The following RPA3 variants were observed in gnomAD, a reference collection of about 807,000 sequenced individuals.
The protein encoded by RPA3 is replication protein A 14 kDa subunit.
In RPA3, 24 loss-of-function variants were observed where a neutral mutation model predicts 13.7. That is an observed-to-expected ratio of 1.75 (90% CI 1.27 to 2.46). The LOEUF is 2.46. Among genes scored for constraint, RPA3 ranks in the 30% most tolerant of loss-of-function variants. The probability of loss-of-function intolerance (pLI) is 0.00; values close to 1 mark genes in which losing one functional copy is unlikely to be tolerated. For synonymous variants in RPA3, 59 were observed against 51.2 expected, an observed-to-expected ratio of 1.15 and a Z score of -0.65; for missense variants, 183 against 151.0, an observed-to-expected ratio of 1.21 and a Z score of -1.11.
intron 4 of RPA3, among the ~76,000 whole-genome samples, chr7:7,649,540 T>C (rs1785175376): frequency 6.6e-6 from 1 of 152,234 alleles, no homozygotes; most frequent in African/African-American, 2.4e-5. Context: ...AATTTCCACG[T>C]CAGTTTTTTG....
intron 4 of RPA3, chr7:7,641,816 C>G (rs1291404730): frequency 6.6e-6 from 1 of 152,084 alleles, no homozygotes; most frequent in Non-Finnish European, 1.5e-5. Context: ...TTCCCTTAAG[C>G]AAAAAAGATC....
chr7:7,667,515 C>A lies in RPA3; in HGVS notation c.-758+18315G>T, dbSNP rs560650718. On this transcript the variant is annotated intron_variant, in intron 4 of 7. Transcript: ENST00000223129. The stretch of plus-strand genomic sequence containing the variant: ...TCAGAAATATGATGGGCAGAGGTTG[C>A]AGTTTTTTTTCCCTAAATGTAAGTT... Among the ~76,000 whole-genome samples the A allele has an allele frequency of 3.7e-4, 56 of 152,244 alleles. 1 individual carries two copies. The highest frequency in any genetic ancestry group is 2.3e-3 in the Admixed American group (35 of 15,288).
intron 2 of RPA3, among the ~76,000 whole-genome samples, chr7:7,696,840 C>CT (rs113254851): frequency 0.024 from 3,590 of 146,830 alleles, 143 homozygotes; most frequent in African/African-American, 0.084. Context: ...CTTTCTTCTT[C>CT]TTTTTTTTTT....
chr7:7,639,333 AT>A (rs11362083), intron 5 of RPA3, among the ~76,000 whole-genome samples, 189 bp from the exon 6 acceptor site: 151,849 of 152,322 alleles, frequency 1, 75,690 homozygotes, highest in East Asian at 1. Flanking sequence ...CACACAGTTA[AT>A]TTCTGAATTT....
chr7:7,655,923 C>T (rs1785330379), intron 4 of RPA3, among the ~76,000 whole-genome samples: 1 of 152,144 alleles, frequency 6.6e-6, no homozygotes, highest in African/African-American at 2.4e-5. Flanking sequence ...GCAACCTCCA[C>T]CTCCTGGGTT....
chr7:7,683,745 C>G lies in RPA3; in HGVS notation c.-758+2085G>C, dbSNP rs1779970404. Among the ~76,000 whole-genome samples the G allele has an allele frequency of 2.0e-5, 3 of 152,086 alleles. No individual in the cohort carries two copies. The South Asian group carries it at 6.2e-4, about 32-fold the overall frequency. On this transcript the variant is annotated intron_variant, in intron 4 of 7. Transcript: ENST00000223129. ...TCAAGTGATTCTCCTGCCTCAGCCT[C>G]CCAAGTAGCTGGGATTACAGGCATG...
intron 4 of RPA3, among the ~76,000 whole-genome samples, chr7:7,680,642 T>A (rs1779885955): frequency 6.6e-6 from 1 of 152,144 alleles, no homozygotes; most frequent in African/African-American, 2.4e-5. Context: ...TATGGACATT[T>A]TAACAATACT....
intron 2 of RPA3, among the ~76,000 whole-genome samples, chr7:7,702,859 T>C (rs1780494670): frequency 6.6e-6 from 1 of 152,188 alleles, no homozygotes; most frequent in African/African-American, 2.4e-5. Flanking sequence ...ACCAGTTTGT[T>C]TGCTGATGAA....
chr7:7,640,414 A>G lies in RPA3; in HGVS notation c.5T>C (p.Val2Ala). The change falls in exon 5 of 8, where the codon GTG becomes GCG. Residue 2 changes from valine to alanine, a missense_variant. Val to Ala is a moderately conservative substitution (Grantham distance 64). Coordinates refer to ENST00000223129, the MANE Select transcript of RPA3 (RefSeq NM_002947.5). Reference protein sequence around the residue: MVDMMDLPRSRI... With the variant: MADMMDLPRSRI... ...CGACCTGGGCAAGTCCATCATGTCC[A>G]CCATGATTATGGTCCAAGACTGCGG... 1.2e-6 allele frequency: 2 copies of G among 1,613,792 alleles called. No individual in the cohort carries two copies. The highest frequency in any genetic ancestry group is 1.7e-6 in the Non-Finnish European group (2 of 1,179,858).
At chr7:7,638,121 G>C in intron 6 of RPA3, 149 bp from the exon 7 acceptor site, 1 of 522,670 alleles carries the variant, frequency 1.9e-6, no homozygotes, top group Non-Finnish European at 3.4e-6. Context: ...AATGTAACTT[G>C]TTAACAAATG....
intron 4 of RPA3, among the ~76,000 whole-genome samples, chr7:7,680,135 A>G (rs983302520): frequency 3.3e-5 from 5 of 151,982 alleles, no homozygotes; most frequent in Non-Finnish European, 7.4e-5. Flanking sequence ...GTCCTGTAGC[A>G]TTTGCCCAAT....
intron 2 of RPA3, among the ~76,000 whole-genome samples, chr7:7,698,011 G>C (rs975513141): frequency 1.3e-5 from 2 of 152,140 alleles, no homozygotes; most frequent in African/African-American, 2.4e-5. Context: ...TCATTTGATT[G>C]TTAGAATGTG....
At chr7:7,707,394 G>C (rs1780632883) in intron 2 of RPA3, among the ~76,000 whole-genome samples, 1 of 152,152 alleles carries the variant, frequency 6.6e-6, no homozygotes, top group South Asian at 2.1e-4. Flanking sequence ...GAAGCCAGAA[G>C]CCTTGTGTTC....
At chr7:7,699,251 C>T (rs187016965) in intron 2 of RPA3, among the ~76,000 whole-genome samples, 1 of 152,184 alleles carries the variant, frequency 6.6e-6, no homozygotes, top group Admixed American at 6.5e-5. Context: ...TCTTATCAGA[C>T]TCATTTTAAT....
At position 7,640,708 on chromosome 7, in the gene RPA3, G is replaced by T; in HGVS notation, c.-290C>A. On this transcript the variant is annotated 5_prime_UTR_variant, in exon 5 of 8. Coordinates refer to ENST00000223129, the MANE Select transcript of RPA3 (RefSeq NM_002947.5). ...GTGGAGGCGGGACTTGGATAGGGGC[G>T]GAACCTGAGACTACCTTTCTGCGAT... is the stretch of plus-strand genomic sequence containing the variant. 2.6e-6 allele frequency: 1 copy of T among 389,634 alleles called. No individual in the cohort carries two copies. The allele number at this position is 389,634 out of a possible 1,614,324, so 24.1% of individuals were successfully genotyped here.
chr7:7,684,443 G>A (rs1454099100), intron 4 of RPA3, among the ~76,000 whole-genome samples: 2 of 151,824 alleles, frequency 1.3e-5, no homozygotes, highest in African/African-American at 4.8e-5. Flanking sequence ...TTCTGGCCTT[G>A]AGTGATCCAC....
intron 4 of RPA3, among the ~76,000 whole-genome samples, chr7:7,677,664 G>GTTTTTTT (rs141602455): frequency 1.1e-4 from 13 of 113,492 alleles, no homozygotes; most frequent in South Asian, 2.6e-4. Context: ...CTGTTTTTTT[G>GTTTTTTT]TTTTTTTTTT....
intron 4 of RPA3, among the ~76,000 whole-genome samples, chr7:7,646,480 A>AT (rs35948027): frequency 0.2 from 22,165 of 110,832 alleles, 2,159 homozygotes; most frequent in Admixed American, 0.24. Flanking sequence ...CTTTCGCTGG[A>AT]TTTTTTTTTT....
chr7:7,650,902 T>C (rs1283457574), intron 4 of RPA3, among the ~76,000 whole-genome samples: 1 of 152,214 alleles, frequency 6.6e-6, no homozygotes, highest in Non-Finnish European at 1.5e-5. Flanking sequence ...CAACACTTTA[T>C]TATAACCTTC....
Sources: gnomAD v4.1 joint callset for allele counts (sites outside exome capture counted in the v4.1 genomes callset) on GRCh38, gnomAD v4.1.1 for gene constraint, MANE v1.5 for transcripts, NCBI Gene and HGNC (gene_info 2026-07-23, HGNC 2026-07-21) for gene names.